Variants in HMGXB3 observed in about 807,000 individuals in gnomAD.
The protein encoded by HMGXB3 is HMG domain-containing protein 3.
Under a neutral mutation model 121.5 loss-of-function variants are expected in HMGXB3, and 45 were observed. That is an observed-to-expected ratio of 0.37 (90% CI 0.29 to 0.47). The LOEUF is 0.47. Among genes scored for constraint, HMGXB3 ranks in the 20% least tolerant of loss-of-function variants. The pLI, the probability that HMGXB3 is intolerant of heterozygous loss-of-function variation, is 0.99. For synonymous variants in HMGXB3, 590 were observed against 624.1 expected (o/e 0.95, Z 0.81); for missense variants, 1,376 against 1,602.2 (o/e 0.86, Z 2.41).
chr5:150,009,878 C>T (rs1021259162), intron 3 of HMGXB3, among the ~76,000 whole-genome samples: 2 of 152,134 alleles, frequency 1.3e-5, no homozygotes, highest in African/African-American at 4.8e-5. Context: ...ATGCTGTTTC[C>T]TGTGTGACTG....
chr5:150,036,113 C>G (rs1300856853), intron 11 of HMGXB3, among the ~76,000 whole-genome samples: 4 of 152,094 alleles, frequency 2.6e-5, no homozygotes, highest in African/African-American at 9.7e-5. Context: ...AGTGGCATAT[C>G]CAGAACTGAA....
chr5:150,010,488 C>G lies in HMGXB3; in HGVS notation c.690C>G (p.Tyr230Ter). ...SLEVGESHQP[Y>*]QTSLVIEETL... ...AAGTAGGGGAGAGCCACCAACCTTA[C>G]CAGACAAGCCTGGTAATTGAAGAGA... is the stretch of plus-strand genomic sequence containing the variant. Residue 230 changes from tyrosine to a stop codon, truncating the protein, a stop_gained, in exon 4 of 20, where the codon TAC (tyrosine) becomes TAG (stop). Transcript: ENST00000502717. LOFTEE classifies it high-confidence loss of function. The G allele has an allele frequency of 6.4e-7, 1 of 1,551,656 alleles. No individual in the cohort carries two copies. The highest frequency in any genetic ancestry group is 8.7e-7 in the Non-Finnish European group (1 of 1,146,982).
chr5:150,011,902 G>A (rs1469607222), intron 4 of HMGXB3, among the ~76,000 whole-genome samples: 4 of 152,108 alleles, frequency 2.6e-5, no homozygotes, highest in Admixed American at 6.5e-5. Context: ...GTGAGCCGCC[G>A]TGCCCGGCCG....
chr5:150,011,594 T>G (rs6579766), intron 4 of HMGXB3, among the ~76,000 whole-genome samples: 132,478 of 147,352 alleles, frequency 0.9, 59,730 homozygotes, highest in East Asian at 1. Flanking sequence ...TTGTTGGTTG[T>G]TTTTTTTTGG....
intron 19 of HMGXB3, among the ~76,000 whole-genome samples, chr5:150,051,283 G>A (rs892883972): frequency 6.6e-6 from 1 of 152,218 alleles, no homozygotes; most frequent in African/African-American, 2.4e-5. Flanking sequence ...AGGAAGAAGG[G>A]AAGAATAACA....
intron 9 of HMGXB3, among the ~76,000 whole-genome samples, chr5:150,029,476 A>T (rs1031588715): frequency 1.3e-5 from 2 of 152,002 alleles, no homozygotes. Flanking sequence ...CTAAGTTAGC[A>T]TTTTTCAAGC....
At chr5:150,015,889 G>C (rs528719162) in intron 5 of HMGXB3, among the ~76,000 whole-genome samples, 1 of 152,314 alleles carries the variant, frequency 6.6e-6, no homozygotes, top group South Asian at 2.1e-4. Flanking sequence ...TTACGGCCCA[G>C]AATGTGGTCT....
At chr5:150,008,075 A>T (rs1210895073) in intron 3 of HMGXB3, among the ~76,000 whole-genome samples, 2 of 151,236 alleles carry the variant, frequency 1.3e-5, no homozygotes, top group African/African-American at 2.4e-5. Flanking sequence ...ACACACACAC[A>T]CACACACACA....
chr5:150,030,851 G>A lies in HMGXB3; in HGVS notation c.1833+12G>A. The A allele has an allele frequency of 1.9e-6, 3 of 1,541,670 alleles. No homozygotes were observed. Among genetic ancestry groups the A allele is most frequent in the Non-Finnish European group, 2.6e-6 (3 of 1,137,754 alleles). On this transcript the variant is annotated intron_variant, in intron 10 of 19. Transcript: ENST00000502717. ...GCACTGTCACATTGGTAAGTATGCA[G>A]CTAGGTGGTGGTGGGTTGACATGGA...
At chr5:150,032,328 G>A in intron 10 of HMGXB3, 126 bp from the exon 11 acceptor site, 1 of 850,920 alleles carries the variant, frequency 1.2e-6, no homozygotes, top group Non-Finnish European at 1.8e-6. Context: ...CTTGAAGTTA[G>A]GCTGAATCTG....
intron 1 of HMGXB3, among the ~76,000 whole-genome samples, chr5:150,002,595 G>C (rs990513898): frequency 6.6e-6 from 1 of 152,220 alleles, no homozygotes; most frequent in African/African-American, 2.4e-5. Flanking sequence ...TAAAATTCAA[G>C]TGGTTTCTGT....
At chr5:150,008,866 A>AT (rs1483315860) in intron 3 of HMGXB3, among the ~76,000 whole-genome samples, 2 of 152,242 alleles carry the variant, frequency 1.3e-5, no homozygotes, top group Admixed American at 6.5e-5. Flanking sequence ...TAAAGGCTCC[A>AT]TAAAAGATTC....
Position 150,041,776 on chromosome 5 carries a change from T to G in HMGXB3, c.2546-9T>G. The G allele has an allele frequency of 6.5e-7, 1 of 1,549,730 alleles. No individual in the cohort carries two copies. Among genetic ancestry groups the G allele is most frequent in the Non-Finnish European group, 8.7e-7 (1 of 1,145,650 alleles). ...TGTGCCCTTCTCAGTGTTCTTGCTC[T>G]TCTTTCAGAGAAGACTCTGACCTCG... On this transcript the variant is annotated splice_polypyrimidine_tract_variant and intron_variant, in intron 14 of 19. Transcript: ENST00000502717.
At chr5:150,006,749 A>C (rs1755712991) in intron 3 of HMGXB3, 102 bp downstream of exon 3, 2 of 1,059,372 alleles carry the variant, frequency 1.9e-6, no homozygotes, top group African/African-American at 3.2e-5. Context: ...TTTTTGGGAA[A>C]AGTTTCATCG....
intron 5 of HMGXB3, among the ~76,000 whole-genome samples, chr5:150,016,822 T>A (rs1027210815): frequency 6.6e-6 from 1 of 152,200 alleles, no homozygotes; most frequent in Non-Finnish European, 1.5e-5. Flanking sequence ...TCTTCTGATA[T>A]AAGTATTTTT....
At chr5:150,006,294 A>C (rs1252565679) in intron 2 of HMGXB3, among the ~76,000 whole-genome samples, 179 bp from the exon 3 acceptor site, 1 of 152,216 alleles carries the variant, frequency 6.6e-6, no homozygotes, top group Admixed American at 6.5e-5. Context: ...CCCTATTTAG[A>C]TAAATGCTTA....
chr5:150,032,180 C>T (rs1352635710), intron 10 of HMGXB3, among the ~76,000 whole-genome samples: 1 of 152,220 alleles, frequency 6.6e-6, no homozygotes, highest in Non-Finnish European at 1.5e-5. Flanking sequence ...ACTGCCTGGA[C>T]CCTGAAGGCA....
intron 18 of HMGXB3, 74 bp downstream of exon 18, chr5:150,048,759 T>C (rs1465260299): frequency 8.8e-7 from 1 of 1,142,418 alleles, no homozygotes; most frequent in Non-Finnish European, 1.3e-6. Flanking sequence ...CTGATCCAGC[T>C]CAGTTTTGGG....
rs187612819 is a variant in HMGXB3 at position 150,045,271 on chromosome 5, G to A, written c.2731-195G>A. On this transcript the variant is annotated intron_variant, in intron 15 of 19. Transcript: ENST00000502717. ...TTCATGTCTGGGAGAGTACTATGGT[G>A]TGAGGGAAAGAAATGTGACCAAAAG... Among the ~76,000 whole-genome samples, 3 of 152,334 alleles carry A rather than the reference G, an allele frequency of 2.0e-5. No homozygotes were observed. In the East Asian group the frequency reaches 5.8e-4, roughly 29 times the overall value.
Sources: allele counts gnomAD v4.1 joint callset (sites outside exome capture counted in the v4.1 genomes callset), GRCh38; gene constraint gnomAD v4.1.1; transcripts MANE v1.5; gene names NCBI Gene and HGNC (gene_info 2026-07-23, HGNC 2026-07-21).